The following KCNN2 variants were observed in gnomAD, a reference collection of about 807,000 sequenced individuals.
KCNN2 encodes potassium calcium-activated channel subfamily N member 2.
Under a neutral mutation model 55.5 loss-of-function variants are expected in KCNN2, and 24 were observed. That is an observed-to-expected ratio of 0.43 (90% CI 0.31 to 0.61). The LOEUF (loss-of-function observed/expected upper bound fraction) is 0.61, where lower values mean the gene tolerates loss of function less well. KCNN2 is among the 20% of genes least tolerant of loss of function. The probability of loss-of-function intolerance (pLI) is 0.08; values close to 1 mark genes in which losing one functional copy is unlikely to be tolerated. For synonymous variants in KCNN2, 431 were observed against 336.1 expected (o/e 1.28, Z -3.09); for missense variants, 754 against 853.6 (o/e 0.88, Z 1.45).
chr5:114,391,427 A>G (rs1758449729), intron 2 of KCNN2, among the ~76,000 whole-genome samples: 1 of 152,096 alleles, frequency 6.6e-6, no homozygotes, highest in South Asian at 2.1e-4. Flanking sequence ...TAGATTAAAT[A>G]TATTGCCCCA....
chr5:114,321,256 A>T (rs1472894273), intron 2 of KCNN2, among the ~76,000 whole-genome samples: 1 of 151,878 alleles, frequency 6.6e-6, no homozygotes, highest in Admixed American at 6.6e-5. Context: ...GTTCTACTCA[A>T]TTTTTCACCT....
intron 3 of KCNN2, among the ~76,000 whole-genome samples, chr5:114,457,508 C>G (rs1290694695): frequency 1.3e-5 from 2 of 152,200 alleles, no homozygotes; most frequent in East Asian, 3.8e-4. Context: ...TATGACTGCA[C>G]TTACACACTT....
intron 1 of KCNN2, among the ~76,000 whole-genome samples, chr5:114,153,795 A>T (rs1262389084): frequency 6.6e-6 from 1 of 152,222 alleles, no homozygotes; most frequent in African/African-American, 2.4e-5. Flanking sequence ...CAAAACACTC[A>T]TGGAGAACTT....
chr5:114,403,765 G>A (rs997068908), intron 2 of KCNN2, among the ~76,000 whole-genome samples: 1 of 152,100 alleles, frequency 6.6e-6, no homozygotes, highest in South Asian at 2.1e-4. Flanking sequence ...TGATTGTGGT[G>A]TAAGGAATGA....
At chr5:114,464,915 A>G (rs1177370524) in intron 4 of KCNN2, among the ~76,000 whole-genome samples, 1 of 152,046 alleles carries the variant, frequency 6.6e-6, no homozygotes, top group Non-Finnish European at 1.5e-5. Context: ...TGCTTTGGGA[A>G]ATGTAATTTG....
At chr5:114,144,005 G>A (rs960801600) in intron 1 of KCNN2, among the ~76,000 whole-genome samples, 1 of 152,120 alleles carries the variant, frequency 6.6e-6, no homozygotes, top group Non-Finnish European at 1.5e-5. Context: ...CCCATTGAAT[G>A]GTGTTGAGAT....
chr5:114,105,648 G>C (rs1308865876), intron 1 of KCNN2, among the ~76,000 whole-genome samples: 1 of 151,792 alleles, frequency 6.6e-6, no homozygotes, highest in African/African-American at 2.4e-5. Flanking sequence ...ACATTATTTT[G>C]ATGCCAAAAT....
Position 114,405,269 on chromosome 5 carries a change from G to A in KCNN2, c.1637+413G>A, listed in dbSNP as rs114853803. Among the ~76,000 whole-genome samples the A allele has an allele frequency of 6.2e-3, 951 of 152,264 alleles. 12 individuals carry two copies. The highest frequency in any genetic ancestry group is 0.022 in the African/African-American group (916 of 41,542). Reference sequence around the variant, plus strand: ...GTTGATGCAAAATGCCTGGGCTTTAGGGAATATCTTAAAGCGGTTTGTTGG... The same window carrying A: ...GTTGATGCAAAATGCCTGGGCTTTAAGGAATATCTTAAAGCGGTTTGTTGG... On this transcript the variant is annotated intron_variant, in intron 3 of 7. Coordinates refer to ENST00000673685, the MANE Select transcript of KCNN2 (RefSeq NM_021614.4).
intron 2 of KCNN2, among the ~76,000 whole-genome samples, chr5:114,311,124 C>A (rs564597285): frequency 5.3e-5 from 8 of 151,970 alleles, no homozygotes; most frequent in Non-Finnish European, 1.0e-4. Flanking sequence ...TTTAAGCTGA[C>A]CTTGCGTCTC....
At chr5:114,255,949 C>A in intron 2 of KCNN2, among the ~76,000 whole-genome samples, 1 of 152,004 alleles carries the variant, frequency 6.6e-6, no homozygotes, top group East Asian at 1.9e-4. Context: ...GGGGAACTAT[C>A]CCCTATATAG....
chr5:114,245,824 A>C (rs776072928), intron 2 of KCNN2, among the ~76,000 whole-genome samples: 1 of 152,202 alleles, frequency 6.6e-6, no homozygotes, highest in East Asian at 1.9e-4. Flanking sequence ...AGTCAGGAAC[A>C]GGTGGACATA....
intron 2 of KCNN2, among the ~76,000 whole-genome samples, chr5:114,326,770 A>G (rs892488716): frequency 1.3e-5 from 2 of 152,174 alleles, no homozygotes; most frequent in African/African-American, 4.8e-5. Flanking sequence ...CATCTATTGT[A>G]TATTCCAAAT....
chr5:114,363,041 G>T lies in KCNN2; in HGVS notation c.902G>T (p.Ser301Ile). 6.2e-7 allele frequency: 1 copy of T among 1,606,186 alleles called. No homozygotes were observed. The highest frequency in any genetic ancestry group is 1.1e-5 in the South Asian group (1 of 90,766). ...LALYGTGGGG[S>I]TGGGGGGGGS... The stretch of plus-strand genomic sequence containing the variant: ...CTCTATGGAACCGGCGGCGGAGGCA[G>T]CACTGGAGGAGGCGGCGGCGGTGGC... Residue 301 changes from serine (S) to isoleucine (I), a missense_variant, in exon 1 of 8, where the codon AGC (serine) becomes ATC (isoleucine). By Grantham distance (142) the Ser-to-Ile change is moderately radical. This residue lies in a region of KCNN2 where 381 missense variants were observed against 259.1 expected (regional missense o/e 1.47). Transcript: ENST00000673685.
chr5:114,192,197 T>C (rs2112563907), intron 1 of KCNN2, among the ~76,000 whole-genome samples: 1 of 152,320 alleles, frequency 6.6e-6, no homozygotes, highest in Admixed American at 6.5e-5. Context: ...CATTACTAAA[T>C]GATACTCACA....
chr5:114,097,850 G>A (rs2220318), intron 1 of KCNN2, among the ~76,000 whole-genome samples: 43,186 of 151,976 alleles, frequency 0.28, 6,532 homozygotes, highest in African/African-American at 0.38. Flanking sequence ...CTGCTAATTT[G>A]TCTCCAGTGT....
intron 2 of KCNN2, among the ~76,000 whole-genome samples, chr5:114,265,624 T>C (rs190328681): frequency 5.1e-4 from 77 of 152,278 alleles, no homozygotes; most frequent in Non-Finnish European, 9.4e-4. Flanking sequence ...TCTTTGATTG[T>C]TGGATGAGGC....
At chr5:114,320,773 AT>A (rs1206679968) in intron 2 of KCNN2, among the ~76,000 whole-genome samples, 1 of 152,188 alleles carries the variant, frequency 6.6e-6, no homozygotes, top group African/African-American at 2.4e-5. Context: ...CAGAGAAAGC[AT>A]AAGGATAGAG....
chr5:114,421,501 C>T (rs930047920), intron 3 of KCNN2, among the ~76,000 whole-genome samples: 5 of 149,838 alleles, frequency 3.3e-5, no homozygotes, highest in East Asian at 2.0e-4. Context: ...ATGTCGGCCA[C>T]GCTGGTCTCG....
At chr5:114,301,928 A>AATCCT (rs1311508722) in intron 2 of KCNN2, among the ~76,000 whole-genome samples, 4 of 152,232 alleles carry the variant, frequency 2.6e-5, no homozygotes, top group Admixed American at 6.5e-5. Flanking sequence ...CTTCAAAAAA[A>AATCCT]ATCCTTGCGA....
Sources: allele counts gnomAD v4.1 joint callset (sites outside exome capture counted in the v4.1 genomes callset), GRCh38; gene constraint gnomAD v4.1.1; regional missense constraint gnomAD v4.1.1; transcripts MANE v1.5; gene names NCBI Gene and HGNC (gene_info 2026-07-23, HGNC 2026-07-21).